The following PTER variants were observed in gnomAD, a reference collection of about 807,000 sequenced individuals.
The protein encoded by PTER is phosphotriesterase related.
A neutral mutation model predicts 29.6 loss-of-function variants in PTER; 38 were observed. That is an observed-to-expected ratio of 1.28 (90% CI 0.99 to 1.68). The LOEUF (loss-of-function observed/expected upper bound fraction) is 1.68. Among genes scored for constraint, PTER ranks in the 40% most tolerant of loss-of-function variants. The pLI is 0.00. For missense variants in PTER, 482 were observed against 427.8 expected (o/e 1.13, Z -1.12); for synonymous variants, 172 against 154.5 (o/e 1.11, Z -0.84).
chr10:16,450,248 G>A (rs997376662), intron 1 of PTER, among the ~76,000 whole-genome samples: 1 of 152,126 alleles, frequency 6.6e-6, no homozygotes, highest in African/African-American at 2.4e-5. Flanking sequence ...ATTGGGAGTG[G>A]GTCCTGAGGA....
At chr10:16,484,904 G>A in intron 2 of PTER, 88 bp downstream of exon 2, 1 of 1,382,978 alleles carries the variant, frequency 7.2e-7, no homozygotes, top group Non-Finnish European at 9.6e-7. Flanking sequence ...GAGGTAGCTG[G>A]GCATGCTACG....
intron 1 of PTER, among the ~76,000 whole-genome samples, chr10:16,473,535 A>AAAAAAAC (rs1835137811): frequency 6.6e-6 from 1 of 150,744 alleles, no homozygotes; most frequent in Non-Finnish European, 1.5e-5. Context: ...AAAAAAAAAA[A>AAAAAAAC]AAAAAAAAAA....
chr10:16,446,544 G>A (rs1834019267), intron 1 of PTER, among the ~76,000 whole-genome samples: 1 of 152,036 alleles, frequency 6.6e-6, no homozygotes, highest in Non-Finnish European at 1.5e-5. Flanking sequence ...AGAAGTTCAA[G>A]TTTAAAATGT....
rs1042053139 is a variant in PTER at position 16,486,805 on chromosome 10, C to T, written c.698+188C>T. 4 of 643,608 alleles carry T rather than the reference C, an allele frequency of 6.2e-6. No individual in the cohort carries two copies. In the African/African-American group the frequency reaches 7.3e-5, roughly 12 times the overall value. The allele number at this position is 643,608 out of a possible 1,614,324, so 39.9% of individuals were successfully genotyped here. A position where few individuals can be genotyped will look rare whatever the true frequency, so the allele number is the denominator to read the frequency against. ...AAGTCAATGCTGCCATTTTTGTGTC[C>T]CTCCTCTGTGTCAGATAGTGTCCTA... On this transcript the variant is annotated intron_variant, in intron 3 of 4. Transcript: ENST00000535784.
chr10:16,470,535 A>G (rs1835007937), intron 1 of PTER, among the ~76,000 whole-genome samples: 1 of 152,220 alleles, frequency 6.6e-6, no homozygotes, highest in Admixed American at 6.5e-5. Flanking sequence ...TGGGAGATCG[A>G]GGCAGGCAGA....
intron 1 of PTER, among the ~76,000 whole-genome samples, chr10:16,449,428 CTTTTT>C (rs35475659): frequency 1.9e-4 from 19 of 101,862 alleles, no homozygotes; most frequent in Non-Finnish European, 7.3e-5. Context: ...CAATAATTTT[CTTTTT>C]TTTTTTTTTT....
chr10:16,508,399 T>C (rs1301833468), intron 4 of PTER, among the ~76,000 whole-genome samples: 1 of 151,982 alleles, frequency 6.6e-6, no homozygotes, highest in Non-Finnish European at 1.5e-5. Flanking sequence ...ATCTTGGAAA[T>C]GGGAACTTTG....
intron 1 of PTER, among the ~76,000 whole-genome samples, chr10:16,463,189 G>T (rs1191652648): frequency 7.9e-6 from 1 of 126,552 alleles, no homozygotes; most frequent in Non-Finnish European, 1.6e-5. Flanking sequence ...GACAGAGCGA[G>T]ACTCTGTCTA....
In PTER at chr10:16,506,170, G is replaced by A. The variant is rs147932384; in HGVS notation, c.839+1010G>A. Reference sequence around the variant, plus strand: ...CATCCATTGGATTTCACAATTAGGAGGCTCACATTTTATAAACAGAGTGCA... The same window carrying A: ...CATCCATTGGATTTCACAATTAGGAAGCTCACATTTTATAAACAGAGTGCA... On this transcript the variant is annotated intron_variant, in intron 4 of 4. Coordinates refer to ENST00000535784, the MANE Select transcript of PTER (RefSeq NM_001261836.2). Among the ~76,000 whole-genome samples the A allele has an allele frequency of 7.9e-5, 12 of 152,280 alleles. No individual in the cohort carries two copies. The East Asian group carries it at 2.3e-3, about 29-fold the overall frequency.
rs1398781937 is a variant in PTER, at chr10:16,479,158, T to G, written c.-48-5179T>G. The stretch of plus-strand genomic sequence containing the variant: ...CAACGACAAGCTGCTCATTTGTGTC[T>G]CTGAGCAGTTTTGCTTTATTTATGT... On this transcript the variant is annotated intron_variant, in intron 1 of 4. Transcript: ENST00000535784. Among the ~76,000 whole-genome samples, 26 of 152,210 alleles carry G rather than the reference T, an allele frequency of 1.7e-4. 1 individual carries two copies. Among genetic ancestry groups the G allele is most frequent in the Admixed American group, 1.7e-3 (26 of 15,282 alleles).
intron 1 of PTER, among the ~76,000 whole-genome samples, chr10:16,464,613 A>T (rs1422785970): frequency 6.6e-6 from 1 of 152,302 alleles, no homozygotes; most frequent in Admixed American, 6.5e-5. Flanking sequence ...CTGTAAGCTA[A>T]TGTACAACCT....
At chr10:16,485,967 G>C (rs955428200) in intron 2 of PTER, among the ~76,000 whole-genome samples, 5 of 152,082 alleles carry the variant, frequency 3.3e-5, no homozygotes, top group Non-Finnish European at 7.4e-5. Context: ...AGAATGACTT[G>C]ATACACGGGA....
At chr10:16,491,261 A>G (rs1402281810) in intron 3 of PTER, among the ~76,000 whole-genome samples, 1 of 152,224 alleles carries the variant, frequency 6.6e-6, no homozygotes, top group Non-Finnish European at 1.5e-5. Flanking sequence ...GAAGGGAGGC[A>G]GCTAGGGAAC....
chr10:16,500,463 G>T (rs1836292226), intron 3 of PTER, among the ~76,000 whole-genome samples: 1 of 151,822 alleles, frequency 6.6e-6, no homozygotes, highest in Non-Finnish European at 1.5e-5. Context: ...TGTTTCCAAG[G>T]CTAGTCTCAA....
At chr10:16,514,461 A>G (rs1836916714), downstream of PTER, 2 of 1,407,380 alleles carry the variant, frequency 1.4e-6, no homozygotes, top group Non-Finnish European at 9.9e-7. Flanking sequence ...GGGATCCTTG[A>G]TTCACTGACG....
intron 1 of PTER, among the ~76,000 whole-genome samples, chr10:16,475,365 G>A (rs546309759): frequency 2.0e-5 from 3 of 152,220 alleles, no homozygotes; most frequent in African/African-American, 7.2e-5. Context: ...TCACAGGGAC[G>A]GCCTCAAGGC....
At chr10:16,483,550 T>C (rs1003978646) in intron 1 of PTER, among the ~76,000 whole-genome samples, 2 of 151,944 alleles carry the variant, frequency 1.3e-5, no homozygotes, top group South Asian at 4.2e-4. Context: ...GGAGGAACAG[T>C]AGAAAGATCA....
chr10:16,481,098 C>A (rs1342707374), intron 1 of PTER, among the ~76,000 whole-genome samples: 5 of 152,170 alleles, frequency 3.3e-5, no homozygotes, highest in Non-Finnish European at 7.3e-5. Flanking sequence ...TGCAGTCTAT[C>A]CTCAGTCCTC....
chr10:16,497,357 T>C (rs1836152208), intron 3 of PTER, among the ~76,000 whole-genome samples: 2 of 146,436 alleles, frequency 1.4e-5, no homozygotes. Context: ...TCGTTCGCAA[T>C]ACTGTGTATT....
Sources: allele counts gnomAD v4.1 joint callset (sites outside exome capture counted in the v4.1 genomes callset), GRCh38; gene constraint gnomAD v4.1.1; transcripts MANE v1.5; gene names NCBI Gene and HGNC (gene_info 2026-07-23, HGNC 2026-07-21).